Variants in CTNND2 observed in about 807,000 individuals in gnomAD.
The protein encoded by CTNND2 is catenin delta 2.
Under a neutral mutation model 144.4 loss-of-function variants are expected in CTNND2, and 22 were observed. That is an observed-to-expected ratio of 0.15 (90% CI 0.11 to 0.22). The LOEUF (loss-of-function observed/expected upper bound fraction) is 0.22. CTNND2 is among the 10% of genes least tolerant of loss of function. CTNND2 has a pLI of 1.00. For missense variants in CTNND2, 1,353 were observed against 1,618.8 expected (o/e 0.84, Z 2.82); for synonymous variants, 751 against 695.6 (o/e 1.08, Z -1.25).
At chr5:11,082,884 G>C in intron 15 of CTNND2, 38 bp from the exon 16 acceptor site, 1 of 1,604,260 alleles carries the variant, frequency 6.2e-7, no homozygotes, top group Non-Finnish European at 8.5e-7. Context: ...TTAGAAACAG[G>C]AAGAAACCCT....
chr5:11,619,139 G>A (rs905844819), intron 2 of CTNND2, among the ~76,000 whole-genome samples: 2 of 152,322 alleles, frequency 1.3e-5, no homozygotes, highest in South Asian at 2.1e-4. Context: ...CAGGCACAGT[G>A]GCTCATGCCT....
intron 9 of CTNND2, among the ~76,000 whole-genome samples, chr5:11,287,537 A>C: frequency 6.6e-6 from 1 of 152,242 alleles, no homozygotes; most frequent in Non-Finnish European, 1.5e-5. Context: ...AATGTTTAAA[A>C]CACATAAAGC....
At chr5:11,368,058 C>T (rs909249440) in intron 7 of CTNND2, among the ~76,000 whole-genome samples, 4 of 152,130 alleles carry the variant, frequency 2.6e-5, no homozygotes, top group Non-Finnish European at 4.4e-5. Flanking sequence ...ATATACAATG[C>T]GTTTCTGAAA....
chr5:11,284,299 C>T (rs1747498579), intron 9 of CTNND2, among the ~76,000 whole-genome samples: 1 of 152,072 alleles, frequency 6.6e-6, no homozygotes, highest in African/African-American at 2.4e-5. Context: ...TTCCAGGGTA[C>T]AGATGCAGGT....
intron 1 of CTNND2, among the ~76,000 whole-genome samples, chr5:11,756,051 T>C (rs2126795087): frequency 6.6e-6 from 1 of 151,808 alleles, no homozygotes; most frequent in South Asian, 2.1e-4. Context: ...GTTGTGGTCT[T>C]TCTCATCTGA....
Position 11,504,719 on chromosome 5 carries a change from A to G in CTNND2, c.287+60225T>C, listed in dbSNP as rs558119456. Among the ~76,000 whole-genome samples the G allele has an allele frequency of 3.9e-4, 59 of 152,230 alleles. No homozygotes were observed. In the South Asian group the frequency reaches 9.5e-3, roughly 25 times the overall value. ...TGCTTGCCTTTTTCAGATACATTTCATGGGTTTCCTTGAGAGGCTCCACAG... is the reference window on the plus strand; with the variant it reads ...TGCTTGCCTTTTTCAGATACATTTCGTGGGTTTCCTTGAGAGGCTCCACAG... On this transcript the variant is annotated intron_variant, in intron 3 of 21. Transcript: ENST00000304623.
intron 11 of CTNND2, among the ~76,000 whole-genome samples, chr5:11,191,997 G>A (rs1372126192): frequency 2.0e-5 from 3 of 152,120 alleles, no homozygotes; most frequent in Non-Finnish European, 2.9e-5. Flanking sequence ...AGCTCTCACC[G>A]TGGTGTCAGG....
At chr5:11,453,800 C>T (rs1353164711) in intron 3 of CTNND2, among the ~76,000 whole-genome samples, 1 of 151,920 alleles carries the variant, frequency 6.6e-6, no homozygotes, top group African/African-American at 2.4e-5. Flanking sequence ...TGCATGTACA[C>T]TTGTACTCTT....
intron 2 of CTNND2, among the ~76,000 whole-genome samples, chr5:11,574,088 C>T (rs749709440): frequency 5.5e-4 from 84 of 152,110 alleles, no homozygotes; most frequent in Middle Eastern, 6.8e-3. Context: ...TGGGTCCATT[C>T]CCCGAGAACT....
chr5:11,837,527 G>A (rs562597536), intron 1 of CTNND2, among the ~76,000 whole-genome samples: 3 of 152,306 alleles, frequency 2.0e-5, no homozygotes, highest in African/African-American at 7.2e-5. Context: ...AGGCAATCTC[G>A]AATCTCCATT....
intron 3 of CTNND2, among the ~76,000 whole-genome samples, chr5:11,506,968 A>G (rs536899047): frequency 2.8e-4 from 42 of 152,288 alleles, no homozygotes; most frequent in Admixed American, 7.2e-4. Context: ...CAACCCTTAC[A>G]TCGAATTAGT....
chr5:11,598,158 G>T (rs1371312495), intron 2 of CTNND2, among the ~76,000 whole-genome samples: 1 of 152,102 alleles, frequency 6.6e-6, no homozygotes, highest in Admixed American at 6.5e-5. Flanking sequence ...TAAATAATTT[G>T]TCCAAAATCA....
chr5:11,782,034 C>A (rs575545066), intron 1 of CTNND2, among the ~76,000 whole-genome samples: 10 of 152,112 alleles, frequency 6.6e-5, no homozygotes, highest in Admixed American at 6.5e-4. Context: ...ATCATGGGTG[C>A]GGGTCTTTCC....
At position 11,562,861 on chromosome 5, in the gene CTNND2, G is replaced by A. The variant is rs61763051; in HGVS notation, c.287+2083C>T. Among the ~76,000 whole-genome samples, 631 of 152,344 alleles carry A rather than the reference G, an allele frequency of 4.1e-3. 2 individuals carry two copies. Among genetic ancestry groups the A allele is most frequent in the African/African-American group, 0.015 (606 of 41,572 alleles). On this transcript the variant is annotated intron_variant, in intron 3 of 21. Coordinates refer to ENST00000304623, the MANE Select transcript of CTNND2 (RefSeq NM_001332.4). ...TTAAGAAGGTATCAGGTAATGTCAT[G>A]AATGCAACATACATGAAACGTACAT...
chr5:11,076,620 C>T lies in CTNND2; in HGVS notation c.2788+6076G>A, dbSNP rs554025870. On this transcript the variant is annotated intron_variant, in intron 16 of 21. Transcript: ENST00000304623. ...AACACAAAGATCTATCTATAGCATACTTATTGCTGTTTCCCAGAGACATAC... is the reference window on the plus strand; with the variant it reads ...AACACAAAGATCTATCTATAGCATATTTATTGCTGTTTCCCAGAGACATAC... 2.0e-4 allele frequency among the ~76,000 whole-genome samples: 31 copies of T among 152,320 alleles called. No homozygotes were observed. In the South Asian group the frequency reaches 6.4e-3, roughly 32 times the overall value.
intron 1 of CTNND2, among the ~76,000 whole-genome samples, chr5:11,746,084 C>T (rs1224596229): frequency 6.6e-6 from 1 of 152,118 alleles, no homozygotes; most frequent in Admixed American, 6.6e-5. Flanking sequence ...TGAGGCTGTT[C>T]TTGCCCTGGC....
chr5:11,472,147 A>G (rs1048988791), intron 3 of CTNND2, among the ~76,000 whole-genome samples: 1 of 152,182 alleles, frequency 6.6e-6, no homozygotes, highest in South Asian at 2.1e-4. Flanking sequence ...TATTTTTTAA[A>G]TTTTTTGGGG....
At chr5:11,261,253 A>G (rs1386330292) in intron 9 of CTNND2, among the ~76,000 whole-genome samples, 4 of 152,202 alleles carry the variant, frequency 2.6e-5, no homozygotes, top group African/African-American at 9.7e-5. Context: ...CGTTTGTCCC[A>G]GCCTCTCATC....
chr5:11,397,582 T>C (rs554470377), intron 5 of CTNND2, among the ~76,000 whole-genome samples: 11 of 152,306 alleles, frequency 7.2e-5, no homozygotes, highest in Admixed American at 4.6e-4. Context: ...ATTTTGCTAA[T>C]ATAATTATAT....
Sources: allele counts gnomAD v4.1 joint callset (sites outside exome capture counted in the v4.1 genomes callset), GRCh38; gene constraint gnomAD v4.1.1; transcripts MANE v1.5; gene names NCBI Gene and HGNC (gene_info 2026-07-23, HGNC 2026-07-21).